POU2F2: variants seen among roughly 807,000 people sequenced by gnomAD.
POU2F2 encodes POU class 2 homeobox 2.
In POU2F2, 14 loss-of-function variants were observed where a neutral mutation model predicts 63.5. That is an observed-to-expected ratio of 0.22 (90% CI 0.15 to 0.34). The LOEUF is 0.34. Ranked by LOEUF, POU2F2 falls within the 10% of genes least tolerant of loss-of-function variation. The pLI is 1.00. For synonymous variants in POU2F2, 306 were observed against 348.6 expected (o/e 0.88, Z 1.36); for missense variants, 607 against 815.2 (o/e 0.74, Z 3.11).
intron 1 of POU2F2, among the ~76,000 whole-genome samples, chr19:42,171,431 CGTGT>C (rs71336804): frequency 0.042 from 5,790 of 138,512 alleles, 128 homozygotes; most frequent in Non-Finnish European, 0.053. Flanking sequence ...GGCTGCGCTT[CGTGT>C]GTGTGTGTGT....
At chr19:42,142,522 G>GT (rs2034148901) in intron 2 of POU2F2, among the ~76,000 whole-genome samples, 1 of 150,494 alleles carries the variant, frequency 6.6e-6, no homozygotes, top group Non-Finnish European at 1.5e-5. Flanking sequence ...GATTGTACTT[G>GT]TTTTTTGGTG....
At chr19:42,115,937 C>T (rs934348465) in intron 5 of POU2F2, among the ~76,000 whole-genome samples, 5 of 152,098 alleles carry the variant, frequency 3.3e-5, no homozygotes, top group African/African-American at 7.2e-5. Flanking sequence ...GGCCATGTGA[C>T]GACAGAGGAG....
intron 5 of POU2F2, among the ~76,000 whole-genome samples, chr19:42,104,271 G>T (rs1293558384): frequency 1.3e-5 from 2 of 152,074 alleles, no homozygotes; most frequent in African/African-American, 4.8e-5. Context: ...CTGGTGAGAG[G>T]GTGATTTGGC....
At chr19:42,122,616 G>C (rs765208233) in intron 1 of POU2F2, 40 bp from the exon 2 acceptor site, 11 of 1,477,432 alleles carry the variant, frequency 7.4e-6, no homozygotes, top group South Asian at 1.3e-5. Flanking sequence ...TGAAGGAGGG[G>C]AATCCAGGAG....
rs1416513986 is a variant in POU2F2 at position 42,095,254 on chromosome 19, GT to G, written c.1197+31del. 1.1e-5 allele frequency: 18 copies of G among 1,596,448 alleles called. No homozygotes were observed. The highest frequency in any genetic ancestry group is 1.4e-5 in the Non-Finnish European group (17 of 1,173,264). ...ACACAGGTGCCTGCGGAGCTCTGTG[GT>G]CTCCCCACCCCCCAGGCGGGCTCTT... On this transcript the variant is annotated intron_variant, in intron 11 of 14. Transcript: ENST00000692977. This position sits in a 1 kb window ranked among gnomAD's most constrained non-coding sequence, Gnocchi z 7.1.
In POU2F2 at chr19:42,117,923, T is replaced by C. The variant is rs2032138290; in HGVS notation, c.187-491A>G. ...CACACAGAGGTACATCTCTCTTGCT[T>C]TTTTTTTCTTTTTGTTTTTGAGACA... On this transcript the variant is annotated intron_variant, in intron 4 of 14. Transcript: ENST00000692977. This position sits in a 1 kb window ranked among gnomAD's most constrained non-coding sequence, Gnocchi z 4.4. 6.6e-6 allele frequency among the ~76,000 whole-genome samples: 1 copy of C among 151,858 alleles called. No individual in the cohort carries two copies.
At chr19:42,184,433 C>T (rs2034993488) in intron 1 of POU2F2, among the ~76,000 whole-genome samples, 1 of 152,178 alleles carries the variant, frequency 6.6e-6, no homozygotes, top group Non-Finnish European at 1.5e-5. Context: ...CTGGACCTAT[C>T]CCCCAACCCT....
At chr19:42,159,464 C>A (rs1451194104) in intron 2 of POU2F2, among the ~76,000 whole-genome samples, 1 of 152,110 alleles carries the variant, frequency 6.6e-6, no homozygotes, top group Non-Finnish European at 1.5e-5. Context: ...TCCCTGGGGT[C>A]CTGAGACCTG....
chr19:42,091,816 C>T (rs974514077), intron 14 of POU2F2, 51 bp downstream of exon 14: 1 of 1,541,246 alleles, frequency 6.5e-7, no homozygotes, highest in African/African-American at 1.4e-5. Context: ...GGGCTCGAGG[C>T]CCCAGAGGAT....
rs1360143594 is a variant in POU2F2, at chr19:42,095,817, G to A, written c.842C>T (p.Pro281Leu). 2 of 1,614,066 alleles carry A rather than the reference G, an allele frequency of 1.2e-6. No homozygotes were observed. The highest frequency in any genetic ancestry group is 1.7e-6 in the Non-Finnish European group (2 of 1,179,936). ...LSFKNMCKLK[P>L]LLEKWLNDAE... ...ATCGTTGAGCCACTTCTCCAGGAGGGGCTTGAGTTTGCACATGTTCTTGAA... is the reference window on the plus strand; with the variant it reads ...ATCGTTGAGCCACTTCTCCAGGAGGAGCTTGAGTTTGCACATGTTCTTGAA... The change falls in exon 9 of 15, where the codon CCC becomes CTC. Residue 281 changes from proline (P) to leucine (L), a missense_variant. By Grantham distance (98) the Pro-to-Leu change is moderately conservative (BLOSUM62 -3). Around this residue, in one of 7 missense-constraint regions of POU2F2, gnomAD observed 39 missense variants for 36.3 expected, o/e 1.07. Transcript: ENST00000692977. This position sits in a 1 kb window ranked among gnomAD's most constrained non-coding sequence, Gnocchi z 7.1.
chr19:42,124,303 CAAA>C (rs1249716927), intron 1 of POU2F2, among the ~76,000 whole-genome samples: 6 of 44,242 alleles, frequency 1.4e-4, no homozygotes, highest in Admixed American at 2.4e-4. Context: ...GACCCTGTCT[CAAA>C]AAAAAAAAAA....
upstream of POU2F2, among the ~76,000 whole-genome samples, chr19:42,196,738 G>A (rs2035151494): frequency 6.6e-6 from 1 of 152,270 alleles, no homozygotes; most frequent in Non-Finnish European, 1.5e-5. Context: ...ACTAGCTCAA[G>A]GGAGCTCCAC....
intron 2 of POU2F2, among the ~76,000 whole-genome samples, chr19:42,147,140 C>T (rs908126346): frequency 2.0e-5 from 3 of 152,178 alleles, no homozygotes; most frequent in African/African-American, 7.2e-5. Flanking sequence ...GGGAATAAAA[C>T]TCAATCACCT....
At position 42,153,723 on chromosome 19, in the gene POU2F2, TG is replaced by T. The variant is rs1259907380; in HGVS notation, c.-9+6608del. Among the ~76,000 whole-genome samples, 2 of 152,102 alleles carry T rather than the reference TG, an allele frequency of 1.3e-5. No individual in the cohort carries two copies. The highest frequency in any genetic ancestry group is 2.9e-5 in the Non-Finnish European group (2 of 68,008). Reference sequence around the variant, plus strand: ...GTCGAGTGTGTTTCCACAAGTGGGCTGGAGGCTCTGGGTGTGTCCCTGTGTG... The same window carrying T: ...GTCGAGTGTGTTTCCACAAGTGGGCTGAGGCTCTGGGTGTGTCCCTGTGTG... On this transcript the variant is annotated intron_variant, in intron 2 of 6. Transcript: ENST00000524801. The surrounding 1 kb of genome is among the most constrained non-coding windows in gnomAD (Gnocchi z 5.6).
chr19:42,168,202 T>C (rs1405089940), intron 1 of POU2F2, among the ~76,000 whole-genome samples: 1 of 152,172 alleles, frequency 6.6e-6, no homozygotes, highest in African/African-American at 2.4e-5. Flanking sequence ...TTGTGACTGG[T>C]GGCCTGCTCA....
chr19:42,164,431 C>T (rs544900102), intron 1 of POU2F2, among the ~76,000 whole-genome samples: 1 of 150,690 alleles, frequency 6.6e-6, no homozygotes, highest in African/African-American at 2.4e-5. Context: ...GTTAGCTAGG[C>T]GTGGCAGCAG....
chr19:42,140,520 C>T (rs1328411830), intron 2 of POU2F2, among the ~76,000 whole-genome samples: 4 of 152,150 alleles, frequency 2.6e-5, no homozygotes, highest in Admixed American at 1.3e-4. Context: ...CAACATGGGG[C>T]CTTCAACCTT....
rs767662431 is a variant in POU2F2, at chr19:42,095,972, C to T, written c.730-43G>A. 21 of 1,604,958 alleles carry T rather than the reference C, an allele frequency of 1.3e-5. No individual in the cohort carries two copies. In the East Asian group the frequency reaches 3.8e-4, roughly 29 times the overall value. On this transcript the variant is annotated intron_variant, in intron 8 of 14. Coordinates refer to ENST00000692977, the MANE Select transcript of POU2F2 (RefSeq NM_001394376.1). This position sits in a 1 kb window ranked among gnomAD's most constrained non-coding sequence, Gnocchi z 7.1. ...GGAAGGGCCCGAAGTCAGGGTGGGG[C>T]CTTCCGGCACTGGGCCCGCTCCGCC... is the stretch of plus-strand genomic sequence containing the variant.
Position 42,126,173 on chromosome 19 carries a change from G to A in POU2F2, c.29-3597C>T, listed in dbSNP as rs145349222. ...CCTTATAAGAAGAGGGGGCGGGCGC[G>A]GTGGCTCATGCCTGTAATCCCAGCA... On this transcript the variant is annotated intron_variant, in intron 1 of 14. Transcript: ENST00000692977. Among the ~76,000 whole-genome samples the A allele has an allele frequency of 3.0e-4, 46 of 152,248 alleles. No individual in the cohort carries two copies. In the East Asian group the frequency reaches 5.8e-3, roughly 19 times the overall value.
Sources: allele counts gnomAD v4.1 joint callset (sites outside exome capture counted in the v4.1 genomes callset), GRCh38; gene constraint gnomAD v4.1.1; regional missense constraint gnomAD v4.1.1; non-coding constraint Gnocchi (gnomAD v3.1); transcripts MANE v1.5; gene names NCBI Gene and HGNC (gene_info 2026-07-23, HGNC 2026-07-21).